The following FGF6 variants were observed in gnomAD, a reference collection of about 807,000 sequenced individuals.
FGF6 encodes fibroblast growth factor 6.
FGF6 carries 14 observed loss-of-function variants against 18.4 expected under a neutral mutation model. That is an observed-to-expected ratio of 0.76 (90% CI 0.50 to 1.19). The LOEUF is 1.19. Among genes scored for constraint, FGF6 ranks in the 50% most tolerant of loss-of-function variants. The probability of loss-of-function intolerance (pLI) is 0.00; values close to 1 mark genes in which losing one functional copy is unlikely to be tolerated. For missense variants in FGF6, 266 were observed against 271.6 expected (o/e 0.98, Z 0.15); for synonymous variants, 125 against 116.7 (o/e 1.07, Z -0.46).
chr12:4,435,745 A>G (rs540472951), intron 2 of FGF6, among the ~76,000 whole-genome samples: 3 of 151,836 alleles, frequency 2.0e-5, no homozygotes, highest in African/African-American at 4.8e-5. Context: ...TCACATGAAC[A>G]CTGGACTTCC....
Position 4,434,158 on chromosome 12 carries a change from C to A in FGF6, c.*57G>T. 6.3e-7 allele frequency: 1 copy of A among 1,584,282 alleles called. No homozygotes were observed. Among genetic ancestry groups the A allele is most frequent in the Non-Finnish European group, 8.6e-7 (1 of 1,157,084 alleles). On this transcript the variant is annotated 3_prime_UTR_variant, in exon 3 of 3. Transcript: ENST00000228837. ...GGGCAAGGGGAATTCTTCGCTGGTG[C>A]AAAATTTCAATCGAACAGATGATGC...
intron 1 of FGF6, among the ~76,000 whole-genome samples, chr12:4,444,708 G>A (rs1865736116): frequency 6.6e-6 from 1 of 152,180 alleles, no homozygotes; most frequent in Non-Finnish European, 1.5e-5. Flanking sequence ...TTCTTGGATA[G>A]GAGACTAACC....
rs61909563 is a variant in FGF6, at chr12:4,434,404, T to A, written c.451-13A>T. On this transcript the variant is annotated splice_polypyrimidine_tract_variant and intron_variant, in intron 2 of 2. Transcript: ENST00000228837. ...CTTGGAAGCTGGGCTGTGGAAGACA[T>A]GGGCAAACAGCAGAGACTGGGTTAC... is the stretch of plus-strand genomic sequence containing the variant. The A allele has an allele frequency of 1.2e-6, 2 of 1,613,842 alleles. No homozygotes were observed. Among genetic ancestry groups the A allele is most frequent in the Admixed American group, 3.3e-5 (2 of 60,000 alleles).
At chr12:4,440,415 C>T (rs541968750) in intron 2 of FGF6, among the ~76,000 whole-genome samples, 1 of 152,142 alleles carries the variant, frequency 6.6e-6, no homozygotes, top group Non-Finnish European at 1.5e-5. Context: ...ACCGCTGGGG[C>T]CATTTGTCCC....
intron 2 of FGF6, among the ~76,000 whole-genome samples, chr12:4,440,662 T>A (rs1865680307): frequency 1.3e-5 from 2 of 152,204 alleles, no homozygotes; most frequent in South Asian, 2.1e-4. Flanking sequence ...TTTCATCAGG[T>A]GTTTCATTCT....
rs1307345852 is a variant in FGF6 at position 4,445,196 on chromosome 12, C to T, written c.346+29G>A. 5 of 1,568,172 alleles carry T rather than the reference C, an allele frequency of 3.2e-6. No individual in the cohort carries two copies. In the South Asian group the frequency reaches 3.4e-5, roughly 11 times the overall value. ...CCCTGCATGAGCCCAAACCCCCAAG[C>T]GTCCCGACTGGCTGCAGCTGGCACT... is the stretch of plus-strand genomic sequence containing the variant. On this transcript the variant is annotated intron_variant, in intron 1 of 2. Coordinates refer to ENST00000228837, the MANE Select transcript of FGF6 (RefSeq NM_020996.3). The surrounding 1 kb of genome is among the most constrained non-coding windows in gnomAD (Gnocchi z 5.5).
At position 4,444,624 on chromosome 12, in the gene FGF6, A is replaced by G. The variant is rs1374344351; in HGVS notation, c.347-388T>C. 3.3e-5 allele frequency among the ~76,000 whole-genome samples: 5 copies of G among 152,242 alleles called. No individual in the cohort carries two copies. The South Asian group carries it at 6.2e-4, about 19-fold the overall frequency. ...TACTCTACATGTTTCAACAAATCTCAACCCACTTAATCTTGAAAACACAGC... is the reference window on the plus strand; with the variant it reads ...TACTCTACATGTTTCAACAAATCTCGACCCACTTAATCTTGAAAACACAGC... On this transcript the variant is annotated intron_variant, in intron 1 of 2. Transcript: ENST00000228837.
intron 2 of FGF6, 146 bp from the exon 3 acceptor site, chr12:4,434,537 G>A: frequency 4.2e-6 from 3 of 718,550 alleles, no homozygotes; most frequent in East Asian, 5.0e-5. Flanking sequence ...TGAGCATCCT[G>A]GGTGAACAGA....
intron 2 of FGF6, among the ~76,000 whole-genome samples, chr12:4,439,317 T>C (rs1865661028): frequency 6.6e-6 from 1 of 152,050 alleles, no homozygotes; most frequent in South Asian, 2.1e-4. Flanking sequence ...CCCTGGAGAG[T>C]AACCCGCCCA....
At chr12:4,436,319 T>G (rs916324914) in intron 2 of FGF6, among the ~76,000 whole-genome samples, 39 of 152,064 alleles carry the variant, frequency 2.6e-4, no homozygotes, top group Non-Finnish European at 4.9e-4. Context: ...GAGTGGATGG[T>G]GGTTTAATAG....
At chr12:4,444,343 A>C in intron 1 of FGF6, 107 bp from the exon 2 acceptor site, 1 of 719,636 alleles carries the variant, frequency 1.4e-6, no homozygotes, top group Non-Finnish European at 2.4e-6. Flanking sequence ...AGAAAGCCAG[A>C]CTCTCCATTG....
intron 2 of FGF6, among the ~76,000 whole-genome samples, chr12:4,443,877 T>C (rs1467425455): frequency 1.3e-5 from 2 of 152,050 alleles, no homozygotes; most frequent in Non-Finnish European, 2.9e-5. Flanking sequence ...CTCCCTGAGC[T>C]GTGGTTTCCG....
rs563575884 is a variant in FGF6, at chr12:4,445,165, T to C, written c.346+60A>G. ...TCCGCTAGAGCAGGGCCCCTTCACC[T>C]TTTAGCCCTGCATGAGCCCAAACCC... On this transcript the variant is annotated intron_variant, in intron 1 of 2. Coordinates refer to ENST00000228837, the MANE Select transcript of FGF6 (RefSeq NM_020996.3). This position sits in a 1 kb window ranked among gnomAD's most constrained non-coding sequence, Gnocchi z 5.5. The C allele has an allele frequency of 5.6e-6, 8 of 1,418,964 alleles. 1 individual carries two copies. In the South Asian group the frequency reaches 1.0e-4, roughly 18 times the overall value. The allele number at this position is 1,418,964 out of a possible 1,614,324, so 87.9% of individuals were successfully genotyped here. A position where few individuals can be genotyped will look rare whatever the true frequency, so the allele number is the denominator to read the frequency against.
intron 2 of FGF6, among the ~76,000 whole-genome samples, chr12:4,440,544 T>C (rs938049118): frequency 6.6e-6 from 1 of 152,248 alleles, no homozygotes; most frequent in Non-Finnish European, 1.5e-5. Flanking sequence ...TGACTGCTTC[T>C]TTTCCTGTCT....
chr12:4,445,231 G>T lies in FGF6; in HGVS notation c.340C>A (p.Pro114Thr). 6.2e-7 allele frequency: 1 copy of T among 1,608,100 alleles called. No individual in the cohort carries two copies. The highest frequency in any genetic ancestry group is 1.1e-5 in the South Asian group (1 of 90,400). Residue 114 changes from proline to threonine, a missense_variant, in exon 1 of 3, where the codon CCC becomes ACC. By Grantham distance (38) the Pro-to-Thr change is conservative (BLOSUM62 -1). Coordinates refer to ENST00000228837, the MANE Select transcript of FGF6 (RefSeq NM_020996.3). The surrounding 1 kb of genome is among the most constrained non-coding windows in gnomAD (Gnocchi z 5.5). Reference protein sequence around the residue: ...GRISGTHEENPYSLLEISTVE... With the variant: ...GRISGTHEENTYSLLEISTVE... The stretch of plus-strand genomic sequence containing the variant: ...GGCTGCAGCTGGCACTCACTGTAGG[G>T]GTTCTCCTCGTGGGTCCCGCTGATC...
intron 2 of FGF6, among the ~76,000 whole-genome samples, chr12:4,443,932 A>G (rs1439352088): frequency 6.6e-6 from 1 of 152,188 alleles, no homozygotes; most frequent in African/African-American, 2.4e-5. Context: ...CAGAAGAAGC[A>G]CGGGCCAGGG....
At chr12:4,439,434 G>C (rs1159900189) in intron 2 of FGF6, among the ~76,000 whole-genome samples, 3 of 152,114 alleles carry the variant, frequency 2.0e-5, no homozygotes, top group Non-Finnish European at 2.9e-5. Flanking sequence ...GTGGAGGAAG[G>C]GGAAGTGGGA....
intron 2 of FGF6, among the ~76,000 whole-genome samples, chr12:4,440,905 C>A (rs939865339): frequency 2.6e-5 from 4 of 152,154 alleles, no homozygotes; most frequent in African/African-American, 9.7e-5. Context: ...TAATGTAATG[C>A]CCCAGATAAT....
intron 2 of FGF6, among the ~76,000 whole-genome samples, chr12:4,443,059 C>G (rs1865710977): frequency 6.6e-6 from 1 of 152,192 alleles, no homozygotes; most frequent in African/African-American, 2.4e-5. Flanking sequence ...TGTGGGAGAC[C>G]CACTGATTGT....
Sources: allele counts gnomAD v4.1 joint callset (sites outside exome capture counted in the v4.1 genomes callset), GRCh38; gene constraint gnomAD v4.1.1; non-coding constraint Gnocchi (gnomAD v3.1); transcripts MANE v1.5; gene names NCBI Gene and HGNC (gene_info 2026-07-23, HGNC 2026-07-21).